The following PCDHGA1 variants were observed in gnomAD, a reference collection of about 807,000 sequenced individuals.
PCDHGA1 encodes protocadherin gamma subfamily A, 1, also known as protocadherin gamma-A1.
Under a neutral mutation model 58.0 loss-of-function variants are expected in PCDHGA1, and 32 were observed. The ratio of observed to expected loss-of-function variants is 0.55; its 90% confidence interval spans 0.42 to 0.74. The LOEUF (loss-of-function observed/expected upper bound fraction) is 0.74. PCDHGA1 is among the 30% of genes least tolerant of loss of function. The pLI is 0.00. For missense variants in PCDHGA1, 1,205 were observed against 1,182.3 expected, an observed-to-expected ratio of 1.02 and a Z score of -0.28; for synonymous variants, 498 against 501.1, an observed-to-expected ratio of 0.99 and a Z score of 0.08.
chr5:141,388,922 A>G (rs761599135), intron 1 of PCDHGA1: 1 of 1,614,046 alleles, frequency 6.2e-7, no homozygotes, highest in Non-Finnish European at 8.5e-7. Context: ...CAGAAGTGAT[A>G]TTCCAGTCTC....
At chr5:141,355,359 G>T in intron 1 of PCDHGA1, 1 of 1,614,048 alleles carries the variant, frequency 6.2e-7, no homozygotes, top group African/African-American at 1.3e-5. Context: ...AGGACCTGGG[G>T]TTGGCGCCCC....
At chr5:141,441,710 G>A (rs2098266791) in intron 1 of PCDHGA1, 1 of 322,162 alleles carries the variant, frequency 3.1e-6, no homozygotes, top group Non-Finnish European at 6.1e-6. Context: ...TCAAGCTCAC[G>A]CTGCAGGCCC....
chr5:141,510,252 G>A (rs1342841474), intron 3 of PCDHGA1, among the ~76,000 whole-genome samples: 4 of 148,432 alleles, frequency 2.7e-5, no homozygotes, highest in Admixed American at 1.3e-4. Context: ...CAGGCTGGGC[G>A]ACAGAGCAGG....
chr5:141,501,164 G>C (rs991995325), intron 2 of PCDHGA1, among the ~76,000 whole-genome samples: 32 of 152,144 alleles, frequency 2.1e-4, no homozygotes, highest in African/African-American at 7.7e-4. Context: ...ACCATCCCCA[G>C]CCTCATTTAC....
Position 141,489,358 on chromosome 5 carries a change from G to C in PCDHGA1, c.2422-5449G>C. 1 of 1,613,144 alleles carries C rather than the reference G, an allele frequency of 6.2e-7. No homozygotes were observed. The highest frequency in any genetic ancestry group is 1.7e-4 in the Middle Eastern group (1 of 6,052). On this transcript the variant is annotated intron_variant, in intron 1 of 3. Coordinates refer to ENST00000517417, the MANE Select transcript of PCDHGA1 (RefSeq NM_018912.3). The surrounding 1 kb of genome is among the most constrained non-coding windows in gnomAD (Gnocchi z 4.5). ...TCGTTACTCAGTGGTGGAGGAGTCT[G>C]AGCCGGGGACGCTGGTGGGGAATGT...
rs2091965953 is a variant in PCDHGA1 at position 141,389,909 on chromosome 5, C to T, written c.2421+56804C>T. ...AGGAGGTGCTGCCGGATATCACTGA[C>T]CGCCCCGACCCCTCTGACCTCCAGG... On this transcript the variant is annotated intron_variant, in intron 1 of 3. Transcript: ENST00000517417. 1.9e-6 allele frequency: 3 copies of T among 1,614,068 alleles called. No homozygotes were observed. In the South Asian group the frequency reaches 3.3e-5, roughly 18 times the overall value.
In PCDHGA1 at chr5:141,491,797, G is replaced by T. The variant is rs537755017; in HGVS notation, c.2422-3010G>T. The stretch of plus-strand genomic sequence containing the variant: ...ATTGAACTTGCATCCACTCCTCTCC[G>T]GCCGGCTTGGTCGCTGGCTGCGCTC... On this transcript the variant is annotated intron_variant, in intron 1 of 3. Coordinates refer to ENST00000517417, the MANE Select transcript of PCDHGA1 (RefSeq NM_018912.3). The surrounding 1 kb of genome is among the most constrained non-coding windows in gnomAD (Gnocchi z 6.9). 2.0e-6 allele frequency: 3 copies of T among 1,506,818 alleles called. No homozygotes were observed. The highest frequency in any genetic ancestry group is 2.4e-5 in the Admixed American group (1 of 41,734). 93.3% of individuals were successfully genotyped at this position (1,506,818 alleles called of 1,614,324 possible). A position where few individuals can be genotyped will look rare whatever the true frequency, so the allele number is the denominator to read the frequency against.
intron 2 of PCDHGA1, among the ~76,000 whole-genome samples, chr5:141,501,719 T>C (rs1024307894): frequency 6.6e-6 from 1 of 152,028 alleles, no homozygotes; most frequent in African/African-American, 2.4e-5. Context: ...AAAAGACAAA[T>C]ATATTACCCA....
chr5:141,404,165 T>G, intron 1 of PCDHGA1: 1 of 1,613,246 alleles, frequency 6.2e-7, no homozygotes, highest in Non-Finnish European at 8.5e-7. Flanking sequence ...TTACAGATTG[T>G]TGACGGCCCA....
intron 1 of PCDHGA1, among the ~76,000 whole-genome samples, chr5:141,461,711 C>A (rs897443905): frequency 1.3e-5 from 2 of 152,112 alleles, no homozygotes; most frequent in African/African-American, 2.4e-5. Flanking sequence ...ACTTTTTTTG[C>A]CCAGGCTGGA....
intron 1 of PCDHGA1, among the ~76,000 whole-genome samples, chr5:141,448,043 G>A (rs1000669754): frequency 3.3e-5 from 5 of 151,870 alleles, no homozygotes; most frequent in African/African-American, 1.2e-4. Context: ...CCAAGATCAT[G>A]CCATTGCTCT....
chr5:141,458,922 G>A (rs747489537), intron 1 of PCDHGA1, among the ~76,000 whole-genome samples: 2 of 151,918 alleles, frequency 1.3e-5, no homozygotes, highest in East Asian at 1.9e-4. Flanking sequence ...TTGTGGAGAC[G>A]GGGTCTCACT....
chr5:141,360,265 A>C, intron 1 of PCDHGA1: 1 of 1,613,874 alleles, frequency 6.2e-7, no homozygotes, highest in Non-Finnish European at 8.5e-7. Context: ...GCTGGCCAAA[A>C]ACTCGGTCGT....
chr5:141,384,060 A>T (rs1453253478), intron 1 of PCDHGA1: 1 of 1,609,266 alleles, frequency 6.2e-7, no homozygotes, highest in South Asian at 1.1e-5. Context: ...GCACCATTCC[A>T]GAAAACCTAC....
At chr5:141,470,428 T>A (rs974038419) in intron 1 of PCDHGA1, among the ~76,000 whole-genome samples, 1 of 152,254 alleles carries the variant, frequency 6.6e-6, no homozygotes, top group Non-Finnish European at 1.5e-5. Flanking sequence ...TTTTTCCTTG[T>A]GTGCAATAAT....
rs1310037589 is a variant in PCDHGA1 at position 141,339,044 on chromosome 5, G to A, written c.2421+5939G>A. On this transcript the variant is annotated intron_variant, in intron 1 of 3. Transcript: ENST00000517417. ...GTGCTTCCTTTTGGCGACCCTGTGG[G>A]AGGCCAGGGCCGGGCAGATTCGCTA... 5.6e-6 allele frequency: 9 copies of A among 1,605,280 alleles called. No individual in the cohort carries two copies. The South Asian group carries it at 8.8e-5, about 16-fold the overall frequency.
intron 1 of PCDHGA1, chr5:141,416,339 A>T (rs2096016775): frequency 6.6e-6 from 1 of 152,218 alleles, no homozygotes; most frequent in African/African-American, 2.4e-5. Context: ...TCATTGCTCA[A>T]TAGGGATCCT....
At position 141,383,914 on chromosome 5, in the gene PCDHGA1, G is replaced by T. The variant is rs1167823249; in HGVS notation, c.2421+50809G>T. ...GGCAAAAGTACTGATCACAGTTTTA[G>T]ATGTAAATGATAATGCTCCAGAAGT... On this transcript the variant is annotated intron_variant, in intron 1 of 3. Transcript: ENST00000517417. The T allele has an allele frequency of 6.2e-7, 1 of 1,613,958 alleles. No individual in the cohort carries two copies. Among genetic ancestry groups the T allele is most frequent in the Admixed American group, 1.7e-5 (1 of 60,022 alleles).
chr5:141,472,542 G>GA (rs904556404), intron 1 of PCDHGA1, among the ~76,000 whole-genome samples: 21 of 147,124 alleles, frequency 1.4e-4, no homozygotes, highest in Admixed American at 7.4e-4. Flanking sequence ...ACCATCTCAA[G>GA]AAAAAAAAAA....
Sources: allele counts gnomAD v4.1 joint callset (sites outside exome capture counted in the v4.1 genomes callset), GRCh38; gene constraint gnomAD v4.1.1; non-coding constraint Gnocchi (gnomAD v3.1); transcripts MANE v1.5; gene names NCBI Gene and HGNC (gene_info 2026-07-23, HGNC 2026-07-21).